GRIA1: variants seen among roughly 807,000 people sequenced by gnomAD.
GRIA1 encodes glutamate receptor 1.
A neutral mutation model predicts 99.2 loss-of-function variants in GRIA1; 31 were observed. That is an observed-to-expected ratio of 0.31 (90% confidence interval 0.23 to 0.42). The LOEUF is 0.42. Among genes scored for constraint, GRIA1 ranks in the 10% least tolerant of loss-of-function variants. The probability of loss-of-function intolerance (pLI) is 1.00; values close to 1 mark genes in which losing one functional copy is unlikely to be tolerated. For missense variants in GRIA1, 782 were observed against 1,157.5 expected (o/e 0.68, Z 4.71); for synonymous variants, 438 against 432.4 (o/e 1.01, Z -0.16).
At chr5:153,500,852 A>T (rs540857866) in intron 2 of GRIA1, among the ~76,000 whole-genome samples, 1 of 152,214 alleles carries the variant, frequency 6.6e-6, no homozygotes, top group South Asian at 2.1e-4. Flanking sequence ...CTGAGTTGAG[A>T]TTTGAAGACA....
At chr5:153,636,355 G>C (rs1053907850) in intron 2 of GRIA1, among the ~76,000 whole-genome samples, 2 of 152,200 alleles carry the variant, frequency 1.3e-5, no homozygotes, top group African/African-American at 4.8e-5. Flanking sequence ...CTATCTAGCA[G>C]CAGAATAGTG....
At chr5:153,799,759 C>G (rs72804629) in intron 14 of GRIA1, among the ~76,000 whole-genome samples, 46,234 of 152,036 alleles carry the variant, frequency 0.3, 7,474 homozygotes, top group South Asian at 0.41. Context: ...TGTATCCCCC[C>G]TCACACACAT....
At chr5:153,515,118 T>C (rs1756486132) in intron 2 of GRIA1, among the ~76,000 whole-genome samples, 1 of 152,112 alleles carries the variant, frequency 6.6e-6, no homozygotes, top group Admixed American at 6.6e-5. Context: ...ACATCTAAAG[T>C]TCTGGGTATA....
chr5:153,727,825 T>C (rs1760678207), intron 11 of GRIA1, among the ~76,000 whole-genome samples: 1 of 151,916 alleles, frequency 6.6e-6, no homozygotes, highest in Non-Finnish European at 1.5e-5. Context: ...AATTTATAGA[T>C]TCAATGCCAT....
intron 8 of GRIA1, among the ~76,000 whole-genome samples, chr5:153,687,804 A>G (rs945170623): frequency 6.6e-6 from 1 of 152,096 alleles, no homozygotes; most frequent in South Asian, 2.1e-4. Flanking sequence ...CTCACAGCCA[A>G]TCTTATCTCA....
In GRIA1 at chr5:153,490,931, G is replaced by A. The variant is rs921859652; in HGVS notation, c.43G>A (p.Ala15Thr). Reference protein sequence around the residue: ...FAFFCTGFLGAVVGANFPNNI... With the variant: ...FAFFCTGFLGTVVGANFPNNI... The stretch of plus-strand genomic sequence containing the variant: ...CTTCTTCTGCACCGGTTTCCTAGGC[G>A]CGGTAGTAGGTGCCAATTTCCCCAA... The change falls in exon 1 of 16, where the codon GCG becomes ACG. Residue 15 changes from alanine to threonine, a missense_variant. Physicochemically the swap from Ala to Thr is moderately conservative, Grantham distance 58. Coordinates refer to ENST00000285900, the MANE Select transcript of GRIA1 (RefSeq NM_000827.4). 27 of 1,614,010 alleles carry A rather than the reference G, an allele frequency of 1.7e-5. No homozygotes were observed. The highest frequency in any genetic ancestry group is 2.1e-5 in the Non-Finnish European group (25 of 1,180,012).
At chr5:153,534,973 G>A (rs1394516206) in intron 2 of GRIA1, among the ~76,000 whole-genome samples, 1 of 152,076 alleles carries the variant, frequency 6.6e-6, no homozygotes, top group African/African-American at 2.4e-5. Context: ...CCAGGCTGGA[G>A]TGCAGTGGCA....
intron 13 of GRIA1, among the ~76,000 whole-genome samples, chr5:153,782,613 C>A (rs1461232): frequency 8.6e-5 from 13 of 151,962 alleles, no homozygotes; most frequent in Middle Eastern, 3.4e-3. Context: ...CTGGAAGTAC[C>A]ATAAAAATAA....
intron 2 of GRIA1, among the ~76,000 whole-genome samples, chr5:153,617,300 G>A (rs1053898138): frequency 6.6e-6 from 1 of 152,146 alleles, no homozygotes; most frequent in Non-Finnish European, 1.5e-5. Context: ...TGTGCCTGAT[G>A]GCTATGTCTT....
chr5:153,719,487 T>A (rs1279873112), intron 11 of GRIA1, among the ~76,000 whole-genome samples: 3 of 151,946 alleles, frequency 2.0e-5, no homozygotes, highest in African/African-American at 7.3e-5. Flanking sequence ...ACTCCCTCCT[T>A]TACGTGTCTG....
chr5:153,533,983 A>G (rs116423545), intron 2 of GRIA1, among the ~76,000 whole-genome samples: 166 of 152,364 alleles, frequency 1.1e-3, no homozygotes, highest in African/African-American at 3.8e-3. Context: ...CAAACTCCAG[A>G]GTGTAGAGAC....
chr5:153,753,294 T>C (rs1762610920), intron 11 of GRIA1, among the ~76,000 whole-genome samples: 1 of 152,200 alleles, frequency 6.6e-6, no homozygotes, highest in Admixed American at 6.5e-5. Context: ...AATACAACAA[T>C]GGAATAAAAA....
At chr5:153,564,204 G>C (rs912592707) in intron 2 of GRIA1, among the ~76,000 whole-genome samples, 1 of 152,088 alleles carries the variant, frequency 6.6e-6, no homozygotes, top group African/African-American at 2.4e-5. Context: ...ACTGTTATTG[G>C]AGCAGCATCT....
At chr5:153,648,838 A>AC (rs35300119) in intron 3 of GRIA1, among the ~76,000 whole-genome samples, 44,004 of 147,740 alleles carry the variant, frequency 0.3, 6,840 homozygotes, top group Non-Finnish European at 0.35. Flanking sequence ...TAATAATGAC[A>AC]CCCCCCCCCA....
chr5:153,708,490 C>T (rs1759079166), intron 11 of GRIA1, among the ~76,000 whole-genome samples: 1 of 152,176 alleles, frequency 6.6e-6, no homozygotes, highest in South Asian at 2.1e-4. Flanking sequence ...CATAAAACAA[C>T]TCTACTCTAT....
At chr5:153,629,116 A>G (rs1752743235) in intron 2 of GRIA1, among the ~76,000 whole-genome samples, 1 of 152,218 alleles carries the variant, frequency 6.6e-6, no homozygotes, top group African/African-American at 2.4e-5. Context: ...GCTGACTCAC[A>G]GGCCAGTGCC....
rs544393695 is a variant in GRIA1, at chr5:153,725,766, C to T, written c.1823+19699C>T. 3.0e-3 allele frequency among the ~76,000 whole-genome samples: 387 copies of T among 128,722 alleles called. 6 individuals are homozygous for T. Among genetic ancestry groups the T allele is most frequent in the African/African-American group, 0.011 (375 of 32,872 alleles). The allele number at this position is 128,722 out of a possible 152,430, so 84.4% of individuals were successfully genotyped here. On this transcript the variant is annotated intron_variant, in intron 11 of 15. Coordinates refer to ENST00000285900, the MANE Select transcript of GRIA1 (RefSeq NM_000827.4). ...AAGTCCTGAGTGACCTATGAAGAGA[C>T]TTAGACTCCCACACAATAATAATGG...
At chr5:153,571,675 G>A (rs1762132904) in intron 2 of GRIA1, among the ~76,000 whole-genome samples, 1 of 152,036 alleles carries the variant, frequency 6.6e-6, no homozygotes, top group African/African-American at 2.4e-5. Flanking sequence ...TTATCCCTAA[G>A]ATAAACATGG....
At chr5:153,635,316 GGT>G in intron 2 of GRIA1, among the ~76,000 whole-genome samples, 2 of 152,232 alleles carry the variant, frequency 1.3e-5, no homozygotes, top group South Asian at 4.1e-4. Flanking sequence ...ACCAGCAGAA[GGT>G]ATTTTGTGAC....
Sources: allele counts gnomAD v4.1 joint callset (sites outside exome capture counted in the v4.1 genomes callset), GRCh38; gene constraint gnomAD v4.1.1; transcripts MANE v1.5; gene names NCBI Gene and HGNC (gene_info 2026-07-23, HGNC 2026-07-21).